The following ADAMTS3 variants were observed in gnomAD, a reference collection of about 807,000 sequenced individuals.
ADAMTS3 encodes ADAM metallopeptidase with thrombospondin type 1 motif 3.
A neutral mutation model predicts 129.0 loss-of-function variants in ADAMTS3; 73 were observed. That is an observed-to-expected ratio of 0.57 (90% CI 0.47 to 0.69). The LOEUF (loss-of-function observed/expected upper bound fraction) is 0.69, where lower values mean the gene tolerates loss of function less well. ADAMTS3 is among the 30% of genes least tolerant of loss of function. ADAMTS3 has a pLI of 0.00. For synonymous variants in ADAMTS3, 477 were observed against 510.8 expected (o/e 0.93, Z 0.89); for missense variants, 1,457 against 1,514.5 (o/e 0.96, Z 0.63).
At chr4:72,448,438 C>T (rs941603107) in intron 3 of ADAMTS3, among the ~76,000 whole-genome samples, 1 of 151,744 alleles carries the variant, frequency 6.6e-6, no homozygotes, top group African/African-American at 2.4e-5. Flanking sequence ...AACACCAAAG[C>T]ATCGGTAACA....
At position 72,414,818 on chromosome 4, in the gene ADAMTS3, T is replaced by C. The variant is rs774033658; in HGVS notation, c.658A>G (p.Arg220Gly). Residue 220 changes from arginine (R) to glycine (G), a missense_variant, in exon 4 of 22, where the codon AGA (arginine) becomes GGA (glycine). Physicochemically the swap from Arg to Gly is moderately radical, Grantham distance 125. Coordinates refer to ENST00000286657, the MANE Select transcript of ADAMTS3 (RefSeq NM_014243.3). Reference sequence around the variant, plus strand: ...TAAGCTTTGTCAAGACGCCTACCTCTGTAGTGGAAGTCTTTGGACATGTCT... The same window carrying C: ...TAAGCTTTGTCAAGACGCCTACCTCCGTAGTGGAAGTCTTTGGACATGTCT... ...PIDMSKDFHY[R>G]ESDLEGLDDL... The C allele has an allele frequency of 5.5e-6, 8 of 1,446,864 alleles. No homozygotes were observed. The highest frequency in any genetic ancestry group is 2.7e-5 in the Admixed American group (1 of 36,912). 89.6% of individuals were successfully genotyped at this position (1,446,864 alleles called of 1,614,324 possible). A position where few individuals can be genotyped will look rare whatever the true frequency, so the allele number is the denominator to read the frequency against.
At chr4:72,526,848 A>G (rs1396387052) in intron 3 of ADAMTS3, among the ~76,000 whole-genome samples, 1 of 120,778 alleles carries the variant, frequency 8.3e-6, no homozygotes, top group Non-Finnish European at 1.8e-5. Context: ...TGCCCACACT[A>G]TCTCAAATAT....
chr4:72,430,022 G>A (rs1722659082), intron 3 of ADAMTS3, among the ~76,000 whole-genome samples: 1 of 151,996 alleles, frequency 6.6e-6, no homozygotes, highest in Admixed American at 6.6e-5. Context: ...GGTTTAAGTA[G>A]CAAGGCCTCA....
chr4:72,479,490 T>C (rs1376373016), intron 3 of ADAMTS3, among the ~76,000 whole-genome samples: 1 of 152,196 alleles, frequency 6.6e-6, no homozygotes, highest in East Asian at 1.9e-4. Flanking sequence ...TGGCTAGCCA[T>C]ATGTAGAAAG....
chr4:72,357,648 G>T (rs755337018), intron 4 of ADAMTS3, among the ~76,000 whole-genome samples: 15 of 152,010 alleles, frequency 9.9e-5, no homozygotes, highest in Middle Eastern at 6.8e-3. Context: ...TAGGTTGATA[G>T]AACTCAAAAT....
chr4:72,438,597 A>G lies in ADAMTS3; in HGVS notation c.505-23626T>C, dbSNP rs143520067. Among the ~76,000 whole-genome samples the G allele has an allele frequency of 7.2e-3, 1,092 of 151,882 alleles. 17 individuals carry two copies. Among genetic ancestry groups the G allele is most frequent in the African/African-American group, 0.025 (1,035 of 41,484 alleles). On this transcript the variant is annotated intron_variant, in intron 3 of 21. Coordinates refer to ENST00000286657, the MANE Select transcript of ADAMTS3 (RefSeq NM_014243.3). ...TTGAATTCAATCTGTTGTGTATATT[A>G]TCATACCTCTCATAGCCTCTGGAAA...
At chr4:72,452,663 C>T (rs1442487569) in intron 3 of ADAMTS3, among the ~76,000 whole-genome samples, 2 of 151,740 alleles carry the variant, frequency 1.3e-5, no homozygotes, top group Admixed American at 6.6e-5. Flanking sequence ...TCTCATAATA[C>T]ACAGGCAGTC....
intron 3 of ADAMTS3, among the ~76,000 whole-genome samples, chr4:72,511,923 A>G (rs1393666562): frequency 6.6e-6 from 1 of 152,222 alleles, no homozygotes; most frequent in Non-Finnish European, 1.5e-5. Context: ...ATGGAGTACT[A>G]TTCAGTTATA....
intron 3 of ADAMTS3, among the ~76,000 whole-genome samples, chr4:72,474,822 C>T (rs1248656190): frequency 1.3e-5 from 2 of 151,736 alleles, no homozygotes; most frequent in Admixed American, 1.3e-4. Context: ...GTCAGGAGAT[C>T]GAGACCATCC....
intron 19 of ADAMTS3, among the ~76,000 whole-genome samples, chr4:72,293,424 G>A (rs1404564095): frequency 6.6e-6 from 1 of 152,046 alleles, no homozygotes; most frequent in Non-Finnish European, 1.5e-5. Context: ...AAGAGAGAAA[G>A]AAACCACAGT....
intron 3 of ADAMTS3, among the ~76,000 whole-genome samples, chr4:72,529,458 G>A (rs752301232): frequency 1.3e-5 from 2 of 151,384 alleles, no homozygotes; most frequent in South Asian, 4.1e-4. Context: ...GAAGAGAACA[G>A]TAATTCTCAA....
At chr4:72,402,390 A>T (rs1327261994) in intron 4 of ADAMTS3, among the ~76,000 whole-genome samples, 1 of 152,208 alleles carries the variant, frequency 6.6e-6, no homozygotes, top group African/African-American at 2.4e-5. Flanking sequence ...GCATCTGATA[A>T]ATAAATGATA....
intron 4 of ADAMTS3, among the ~76,000 whole-genome samples, chr4:72,383,335 C>G (rs763446759): frequency 1.3e-5 from 2 of 152,132 alleles, no homozygotes; most frequent in East Asian, 1.9e-4. Flanking sequence ...AAGAATGAAA[C>G]GACACATGGG....
At chr4:72,296,196 T>A (rs934706112) in intron 18 of ADAMTS3, among the ~76,000 whole-genome samples, 5 of 151,928 alleles carry the variant, frequency 3.3e-5, no homozygotes, top group African/African-American at 1.2e-4. Context: ...GCTTAGAGGA[T>A]CAGTACTTTT....
intron 4 of ADAMTS3, among the ~76,000 whole-genome samples, chr4:72,392,539 T>C (rs1641881449): frequency 6.6e-6 from 1 of 152,220 alleles, no homozygotes; most frequent in Non-Finnish European, 1.5e-5. Flanking sequence ...TGTCTCTACC[T>C]GACCCTAAAT....
At chr4:72,427,771 AG>A (rs1722607247) in intron 3 of ADAMTS3, among the ~76,000 whole-genome samples, 1 of 152,046 alleles carries the variant, frequency 6.6e-6, no homozygotes, top group South Asian at 2.1e-4. Context: ...TGAACTTCTG[AG>A]GAGTTCTTCT....
chr4:72,537,787 T>TA (rs1428610571), intron 3 of ADAMTS3, among the ~76,000 whole-genome samples: 3 of 152,122 alleles, frequency 2.0e-5, no homozygotes, highest in African/African-American at 7.2e-5. Context: ...AAACAATAGA[T>TA]ACGGTTCCTA....
At chr4:72,359,405 T>G (rs1195977689) in intron 4 of ADAMTS3, among the ~76,000 whole-genome samples, 2 of 152,040 alleles carry the variant, frequency 1.3e-5, no homozygotes, top group Non-Finnish European at 1.5e-5. Context: ...ATATAGTGTA[T>G]AGTAATTCAG....
intron 3 of ADAMTS3, among the ~76,000 whole-genome samples, chr4:72,531,542 A>G (rs1721041834): frequency 6.6e-6 from 1 of 152,164 alleles, no homozygotes; most frequent in South Asian, 2.1e-4. Flanking sequence ...GGTAAAGCAC[A>G]GAGCTGGTGT....
Sources: gnomAD v4.1 joint callset for allele counts (sites outside exome capture counted in the v4.1 genomes callset) on GRCh38, gnomAD v4.1.1 for gene constraint, MANE v1.5 for transcripts, NCBI Gene and HGNC (gene_info 2026-07-23, HGNC 2026-07-21) for gene names.